The following CTNNA2 variants were observed in gnomAD, a reference collection of about 807,000 sequenced individuals.
CTNNA2 encodes catenin alpha 2.
In CTNNA2, 42 loss-of-function variants were observed where a neutral mutation model predicts 101.0. The observed-to-expected ratio is 0.42, with a 90% CI of 0.32 to 0.54. CTNNA2 has a LOEUF of 0.54. Ranked by LOEUF, CTNNA2 falls within the 20% of genes least tolerant of loss-of-function variation. The pLI, the probability that CTNNA2 is intolerant of heterozygous loss-of-function variation, is 0.14. For synonymous variants in CTNNA2, 450 were observed against 456.4 expected (o/e 0.99, Z 0.18); for missense variants, 871 against 1,223.1 (o/e 0.71, Z 4.29).
chr2:79,352,072 C>T (rs968658548), intron 3 of CTNNA2, among the ~76,000 whole-genome samples: 1 of 152,188 alleles, frequency 6.6e-6, no homozygotes, highest in Non-Finnish European at 1.5e-5. Context: ...TACTCTACAG[C>T]CTTATCAGCA....
chr2:80,210,261 C>T (rs578206127), intron 7 of CTNNA2, among the ~76,000 whole-genome samples: 16 of 152,258 alleles, frequency 1.1e-4, no homozygotes, highest in South Asian at 6.2e-4. Flanking sequence ...AAGTGCACAA[C>T]GTGCAGGTTT....
intron 7 of CTNNA2, among the ~76,000 whole-genome samples, chr2:80,067,171 T>C (rs1698040760): frequency 1.1e-5 from 1 of 92,442 alleles, no homozygotes; most frequent in African/African-American, 2.7e-5. Context: ...GCATACAACA[T>C]GGTGACTATA....
At chr2:80,430,903 G>T (rs1274430026) in intron 9 of CTNNA2, among the ~76,000 whole-genome samples, 4 of 151,982 alleles carry the variant, frequency 2.6e-5, no homozygotes, top group African/African-American at 9.7e-5. Context: ...ACTGTTGAAA[G>T]GTGTGTATAT....
chr2:80,290,557 T>C (rs996015725), intron 7 of CTNNA2, among the ~76,000 whole-genome samples: 2 of 152,172 alleles, frequency 1.3e-5, no homozygotes, highest in African/African-American at 4.8e-5. Flanking sequence ...CAGCCATTTT[T>C]TTTCATTCTC....
rs1028848525 is a variant in CTNNA2 at position 80,228,959 on chromosome 2, A to G, written c.1057-164252A>G. Among the ~76,000 whole-genome samples, 4 of 152,170 alleles carry G rather than the reference A, an allele frequency of 2.6e-5. No homozygotes were observed. The East Asian group carries it at 5.8e-4, about 22-fold the overall frequency. ...CTTTTATGCATGCATTTTAGATTCA[A>G]ATGCCCAGCCCTATTTTCTAAGAGT... is the stretch of plus-strand genomic sequence containing the variant. On this transcript the variant is annotated intron_variant, in intron 7 of 18. Transcript: ENST00000402739.
At chr2:79,491,063 G>A (rs894259034) in intron 4 of CTNNA2, among the ~76,000 whole-genome samples, 4 of 152,110 alleles carry the variant, frequency 2.6e-5, no homozygotes, top group Admixed American at 2.6e-4. Context: ...CAAAATTATA[G>A]AGGAAGAGGA....
intron 3 of CTNNA2, among the ~76,000 whole-genome samples, chr2:79,337,867 A>T (rs545724385): frequency 6.6e-6 from 1 of 152,250 alleles, no homozygotes; most frequent in South Asian, 2.1e-4. Flanking sequence ...AAAAAGAAAC[A>T]TATTTTCTTC....
chr2:79,278,209 C>T (rs1035799023), intron 2 of CTNNA2, among the ~76,000 whole-genome samples: 1 of 152,106 alleles, frequency 6.6e-6, no homozygotes, highest in African/African-American at 2.4e-5. Flanking sequence ...AGAAAGTTTA[C>T]AGGAACTGGC....
chr2:80,218,013 T>G (rs564520916), intron 7 of CTNNA2, among the ~76,000 whole-genome samples: 1 of 152,382 alleles, frequency 6.6e-6, no homozygotes, highest in Admixed American at 6.5e-5. Flanking sequence ...GCCTATTACC[T>G]AACTCTGAAG....
intron 7 of CTNNA2, among the ~76,000 whole-genome samples, chr2:80,256,837 A>G (rs1413646747): frequency 1.8e-4 from 28 of 152,152 alleles, no homozygotes; most frequent in South Asian, 2.1e-4. Flanking sequence ...AACAACAAGA[A>G]CTATTAATAC....
Position 80,047,935 on chromosome 2 carries a change from A to G in CTNNA2, c.1056+138138A>G, listed in dbSNP as rs537845523. 1.4e-4 allele frequency among the ~76,000 whole-genome samples: 21 copies of G among 152,310 alleles called. No homozygotes were observed. In the East Asian group the frequency reaches 3.3e-3, roughly 24 times the overall value. On this transcript the variant is annotated intron_variant, in intron 7 of 18. Transcript: ENST00000402739. ...GTTACAGATATGTGCCTTTCATCTT[A>G]TCCTACAAATAATAGGGGGTCACTG...
chr2:79,198,918 T>C (rs1572974836), intron 2 of CTNNA2, among the ~76,000 whole-genome samples: 1 of 152,200 alleles, frequency 6.6e-6, no homozygotes, highest in Admixed American at 6.5e-5. Flanking sequence ...ACTGGTAAGA[T>C]GTTACAATCA....
At chr2:80,092,570 A>C (rs1197956595) in intron 7 of CTNNA2, among the ~76,000 whole-genome samples, 1 of 152,154 alleles carries the variant, frequency 6.6e-6, no homozygotes, top group African/African-American at 2.4e-5. Flanking sequence ...AAGAACTGTT[A>C]AGAGCATTGC....
rs1304218270 is a variant in CTNNA2, at chr2:80,475,465, T to G, written c.1290+55864T>G. Among the ~76,000 whole-genome samples the G allele has an allele frequency of 2.6e-5, 4 of 152,218 alleles. 1 individual carries two copies. Among genetic ancestry groups the G allele is most frequent in the Admixed American group, 1.3e-4 (2 of 15,278 alleles). On this transcript the variant is annotated intron_variant, in intron 9 of 18. Coordinates refer to ENST00000402739, the MANE Select transcript of CTNNA2 (RefSeq NM_001282597.3). ...AGTAATGGACATTTATTTATTTACT[T>G]ATTTTGATAAGTAAAGGACTGGAGC...
At chr2:79,435,816 G>A (rs1678707132) in intron 4 of CTNNA2, among the ~76,000 whole-genome samples, 1 of 152,158 alleles carries the variant, frequency 6.6e-6, no homozygotes, top group Non-Finnish European at 1.5e-5. Flanking sequence ...GGGTAGCATA[G>A]ATCACTGCTA....
intron 15 of CTNNA2, 109 bp from the exon 16 acceptor site, chr2:80,603,965 C>A: frequency 5.0e-6 from 4 of 803,418 alleles, no homozygotes; most frequent in South Asian, 1.8e-5. Flanking sequence ...ACTAATGTGG[C>A]CAGTGCCAAA....
At chr2:80,032,679 C>G (rs1285747142) in intron 7 of CTNNA2, among the ~76,000 whole-genome samples, 1 of 152,082 alleles carries the variant, frequency 6.6e-6, no homozygotes, top group Admixed American at 6.5e-5. Flanking sequence ...TCAATTGCTT[C>G]TATAAAATAG....
intron 18 of CTNNA2, among the ~76,000 whole-genome samples, chr2:80,641,611 G>A (rs1231072917): frequency 1.3e-5 from 2 of 151,964 alleles, no homozygotes; most frequent in African/African-American, 4.8e-5. Flanking sequence ...AAAGCAAGCT[G>A]TTACAAAATA....
chr2:80,008,488 A>G (rs1693537039), intron 7 of CTNNA2, among the ~76,000 whole-genome samples: 1 of 152,142 alleles, frequency 6.6e-6, no homozygotes, highest in Non-Finnish European at 1.5e-5. Flanking sequence ...GATTCTTTTC[A>G]TCACTTGCAC....
Sources: gnomAD v4.1 joint callset for allele counts (sites outside exome capture counted in the v4.1 genomes callset) on GRCh38, gnomAD v4.1.1 for gene constraint, MANE v1.5 for transcripts, NCBI Gene and HGNC (gene_info 2026-07-23, HGNC 2026-07-21) for gene names.